The following DYNC1I1 variants were observed in gnomAD, a reference collection of about 807,000 sequenced individuals.
DYNC1I1 encodes dynein cytoplasmic 1 intermediate chain 1.
Under a neutral mutation model 86.6 loss-of-function variants are expected in DYNC1I1, and 43 were observed. That is an observed-to-expected ratio of 0.50 (90% confidence interval 0.39 to 0.64). The LOEUF (loss-of-function observed/expected upper bound fraction) is 0.64, where lower values mean the gene tolerates loss of function less well. DYNC1I1 is among the 30% of genes least tolerant of loss of function. The probability of loss-of-function intolerance (pLI) is 0.00; values close to 1 mark genes in which losing one functional copy is unlikely to be tolerated. For synonymous variants in DYNC1I1, 262 were observed against 283.7 expected, an observed-to-expected ratio of 0.92 and a Z score of 0.77; for missense variants, 604 against 788.8, an observed-to-expected ratio of 0.77 and a Z score of 2.81.
chr7:95,803,857 T>C (rs1794641112), intron 1 of DYNC1I1, among the ~76,000 whole-genome samples: 1 of 152,198 alleles, frequency 6.6e-6, no homozygotes, highest in African/African-American at 2.4e-5. Flanking sequence ...ATATAATCAT[T>C]GGTAATTAGT....
At chr7:95,821,400 T>A (rs966179901) in intron 4 of DYNC1I1, among the ~76,000 whole-genome samples, 3 of 152,138 alleles carry the variant, frequency 2.0e-5, no homozygotes, top group Middle Eastern at 3.2e-3. Context: ...TCTGTGTGAT[T>A]GCCTGGGGTT....
intron 6 of DYNC1I1, among the ~76,000 whole-genome samples, chr7:95,922,165 C>A (rs993431737): frequency 1.3e-5 from 2 of 152,046 alleles, no homozygotes; most frequent in East Asian, 3.8e-4. Context: ...AATCAAATGG[C>A]AAATCGCATT....
At chr7:95,910,985 C>T (rs755415857) in intron 6 of DYNC1I1, among the ~76,000 whole-genome samples, 49 of 151,896 alleles carry the variant, frequency 3.2e-4, no homozygotes, top group Non-Finnish European at 5.7e-4. Flanking sequence ...TTTTTAAAAA[C>T]GAGAGGTGAG....
intron 6 of DYNC1I1, among the ~76,000 whole-genome samples, chr7:95,943,859 A>G (rs1562951623): frequency 6.6e-6 from 1 of 151,668 alleles, no homozygotes; most frequent in Non-Finnish European, 1.5e-5. Flanking sequence ...CTTACACCTT[A>G]TACAAAAATT....
At chr7:95,978,252 T>G (rs915557998) in intron 7 of DYNC1I1, among the ~76,000 whole-genome samples, 1 of 152,150 alleles carries the variant, frequency 6.6e-6, no homozygotes, top group African/African-American at 2.4e-5. Context: ...TAAAACTTTA[T>G]CCAAGGATAC....
chr7:96,019,596 G>T (rs1158724078), intron 10 of DYNC1I1, among the ~76,000 whole-genome samples: 1 of 151,958 alleles, frequency 6.6e-6, no homozygotes, highest in African/African-American at 2.4e-5. Context: ...TAGTCTGAAG[G>T]GTACCTGTAA....
chr7:95,894,446 A>G (rs1234158712), intron 6 of DYNC1I1, among the ~76,000 whole-genome samples: 4 of 51,358 alleles, frequency 7.8e-5, no homozygotes, highest in Non-Finnish European at 1.9e-4. Context: ...TTAGGATTTC[A>G]ATACCTGAAT....
intron 16 of DYNC1I1, among the ~76,000 whole-genome samples, chr7:96,082,865 G>C (rs1169038144): frequency 6.6e-6 from 1 of 152,120 alleles, no homozygotes; most frequent in African/African-American, 2.4e-5. Flanking sequence ...ATTGTAAAGT[G>C]TTGTTATACT....
intron 11 of DYNC1I1, among the ~76,000 whole-genome samples, chr7:96,031,273 G>T (rs1339751276): frequency 1.3e-5 from 2 of 152,252 alleles, no homozygotes; most frequent in East Asian, 3.9e-4. Flanking sequence ...GATAGGAAAG[G>T]TTTTGAAAAC....
intron 14 of DYNC1I1, among the ~76,000 whole-genome samples, chr7:96,059,790 A>C (rs1175554345): frequency 6.6e-6 from 1 of 152,162 alleles, no homozygotes; most frequent in Non-Finnish European, 1.5e-5. Context: ...ATCAGGAGCA[A>C]GCTTGACTTG....
At chr7:96,013,007 AATAG>A (rs1170098530) in intron 10 of DYNC1I1, among the ~76,000 whole-genome samples, 3 of 152,056 alleles carry the variant, frequency 2.0e-5, no homozygotes, top group Non-Finnish European at 2.9e-5. Context: ...AAAGACTACA[AATAG>A]GGTATAGTGT....
At chr7:95,955,339 TA>T (rs1286765432) in intron 6 of DYNC1I1, among the ~76,000 whole-genome samples, 1 of 152,008 alleles carries the variant, frequency 6.6e-6, no homozygotes, top group African/African-American at 2.4e-5. Context: ...TTTTTTTTTT[TA>T]AAGACAAGAT....
chr7:95,917,736 A>T (rs1791506155), intron 6 of DYNC1I1, among the ~76,000 whole-genome samples: 1 of 152,184 alleles, frequency 6.6e-6, no homozygotes, highest in African/African-American at 2.4e-5. Context: ...ACTTTGCTTC[A>T]TGTGGTTTTT....
At position 96,035,625 on chromosome 7, in the gene DYNC1I1, A is replaced by G. The variant is rs763506880; in HGVS notation, c.1237A>G (p.Met413Val). The stretch of plus-strand genomic sequence containing the variant: ...CCACACCGTGTTTTGGTAGGAGAGC[A>G]TGGAGCTGGTGTACAATAAGTCCAA... ...LDMLSTPQES[M>V]ELVYNKSKPV... The change falls in exon 13 of 17, where the codon ATG (methionine) becomes GTG (valine). Residue 413 changes from methionine to valine, a missense_variant. Transcript: ENST00000447467. The G allele has an allele frequency of 1.1e-5, 18 of 1,587,436 alleles. No individual in the cohort carries two copies. Among genetic ancestry groups the G allele is most frequent in the Non-Finnish European group, 1.5e-5 (18 of 1,169,902 alleles).
rs1167314738 is a variant in DYNC1I1, at chr7:96,004,305, T to C, written c.969+8232T>C. On this transcript the variant is annotated intron_variant, in intron 10 of 16. Coordinates refer to ENST00000447467, the MANE Select transcript of DYNC1I1 (RefSeq NM_001135556.2). ...ATTTATCTTCGTTAATTTTTAACTC[T>C]AATCTCCTTGAAAATATATTGAGTT... 2.0e-5 allele frequency among the ~76,000 whole-genome samples: 3 copies of C among 152,354 alleles called. No homozygotes were observed. The East Asian group carries it at 5.8e-4, about 29-fold the overall frequency.
chr7:96,047,943 A>G (rs1789267287), intron 14 of DYNC1I1, among the ~76,000 whole-genome samples: 1 of 152,230 alleles, frequency 6.6e-6, no homozygotes, highest in African/African-American at 2.4e-5. Context: ...GGTTTAGGAT[A>G]GGGAGAAGAG....
intron 14 of DYNC1I1, among the ~76,000 whole-genome samples, chr7:96,045,564 T>TA (rs1789185112): frequency 6.6e-6 from 1 of 152,046 alleles, no homozygotes; most frequent in South Asian, 2.1e-4. Context: ...TAAGAAGCGG[T>TA]AAAATAGCCC....
At chr7:95,977,013 C>T (rs1000116603) in intron 6 of DYNC1I1, among the ~76,000 whole-genome samples, 1 of 152,174 alleles carries the variant, frequency 6.6e-6, no homozygotes, top group Non-Finnish European at 1.5e-5. Context: ...GGGCCCTTCC[C>T]TTGGTTGTTT....
chr7:96,044,563 C>T (rs1448763234), intron 14 of DYNC1I1, among the ~76,000 whole-genome samples: 4 of 151,528 alleles, frequency 2.6e-5, no homozygotes, highest in Non-Finnish European at 4.4e-5. Context: ...GAGAAAGGGC[C>T]GTGAAAATGT....
Sources: allele counts gnomAD v4.1 joint callset (sites outside exome capture counted in the v4.1 genomes callset), GRCh38; gene constraint gnomAD v4.1.1; transcripts MANE v1.5; gene names NCBI Gene and HGNC (gene_info 2026-07-23, HGNC 2026-07-21).